THSD4: variants seen among roughly 807,000 people sequenced by gnomAD.
The protein encoded by THSD4 is thrombospondin type 1 domain containing 4.
A neutral mutation model predicts 119.0 loss-of-function variants in THSD4; 69 were observed. That is an observed-to-expected ratio of 0.58 (90% CI 0.48 to 0.71). The LOEUF (loss-of-function observed/expected upper bound fraction) is 0.71, where lower values mean the gene tolerates loss of function less well. Ranked by LOEUF, THSD4 falls within the 30% of genes least tolerant of loss-of-function variation. The probability of loss-of-function intolerance (pLI) is 0.00; values close to 1 mark genes in which losing one functional copy is unlikely to be tolerated. For synonymous variants in THSD4, 524 were observed against 540.4 expected, an observed-to-expected ratio of 0.97 and a Z score of 0.42; for missense variants, 1,393 against 1,391.1, an observed-to-expected ratio of 1.00 and a Z score of -0.02.
chr15:71,476,931 A>G (rs920984850), intron 7 of THSD4, among the ~76,000 whole-genome samples: 3 of 152,162 alleles, frequency 2.0e-5, no homozygotes, highest in East Asian at 1.9e-4. Flanking sequence ...ATCCTTTTCT[A>G]TAGGGTGAGC....
At chr15:71,512,991 G>A (rs2048304774) in intron 7 of THSD4, among the ~76,000 whole-genome samples, 1 of 152,206 alleles carries the variant, frequency 6.6e-6, no homozygotes, top group Non-Finnish European at 1.5e-5. Context: ...TTACGAATAA[G>A]GAAATCAACA....
intron 6 of THSD4, among the ~76,000 whole-genome samples, chr15:71,330,087 GAAAA>G (rs58866556): frequency 1.5e-5 from 2 of 130,886 alleles, no homozygotes; most frequent in South Asian, 2.5e-4. Flanking sequence ...GTCTCCAAAG[GAAAA>G]AAAAAAAAAA....
chr15:71,360,425 A>G (rs1053915820), intron 6 of THSD4, among the ~76,000 whole-genome samples: 4 of 152,172 alleles, frequency 2.6e-5, no homozygotes, highest in Non-Finnish European at 5.9e-5. Flanking sequence ...ATCTCTTCAT[A>G]TGAGAAGCAG....
intron 6 of THSD4, among the ~76,000 whole-genome samples, chr15:71,362,499 C>T (rs780779462): frequency 2.0e-5 from 3 of 152,038 alleles, no homozygotes; most frequent in Non-Finnish European, 2.9e-5. Flanking sequence ...ATTTTATAGT[C>T]AGTTGAGAGA....
Position 71,378,648 on chromosome 15 carries a change from T to C in THSD4, c.1016-33039T>C, listed in dbSNP as rs554225876. ...TGTTCCACTCCATTATGCTTTAGTT[T>C]TTTTAGTGGAATAAGCTTAAATATT... is the stretch of plus-strand genomic sequence containing the variant. On this transcript the variant is annotated intron_variant, in intron 6 of 17. Transcript: ENST00000261862. Among the ~76,000 whole-genome samples the C allele has an allele frequency of 2.0e-5, 3 of 152,376 alleles. No individual in the cohort carries two copies. The South Asian group carries it at 6.2e-4, about 32-fold the overall frequency.
intron 6 of THSD4, among the ~76,000 whole-genome samples, chr15:71,369,365 T>G (rs534520998): frequency 6.6e-6 from 1 of 152,342 alleles, no homozygotes; most frequent in East Asian, 1.9e-4. Flanking sequence ...GTGCCAGTTT[T>G]CAAAGGGAAA....
chr15:71,326,615 A>G (rs2045341313), intron 6 of THSD4, among the ~76,000 whole-genome samples: 1 of 133,938 alleles, frequency 7.5e-6, no homozygotes, highest in Non-Finnish European at 1.6e-5. Context: ...TGGAGGTTGC[A>G]GTGAGCCGAG....
intron 6 of THSD4, among the ~76,000 whole-genome samples, chr15:71,358,300 G>A (rs1298760872): frequency 6.6e-6 from 1 of 152,146 alleles, no homozygotes; most frequent in East Asian, 1.9e-4. Flanking sequence ...CTATGTCAGG[G>A]TTTCCCATAT....
At chr15:71,750,406 G>T (rs1007235784) in intron 14 of THSD4, among the ~76,000 whole-genome samples, 1 of 152,110 alleles carries the variant, frequency 6.6e-6, no homozygotes, top group African/African-American at 2.4e-5. Context: ...CTCCCTCTGC[G>T]GTGTAAGATG....
intron 7 of THSD4, among the ~76,000 whole-genome samples, chr15:71,583,199 G>A (rs2049592804): frequency 6.6e-6 from 1 of 151,928 alleles, no homozygotes; most frequent in African/African-American, 2.4e-5. Context: ...TCACCTTTTT[G>A]GCATATAATT....
chr15:71,262,955 T>G (rs140053820), intron 6 of THSD4, among the ~76,000 whole-genome samples: 59 of 152,144 alleles, frequency 3.9e-4, no homozygotes, highest in East Asian at 2.7e-3. Context: ...TTTTGTTTTT[T>G]TTTTTCTAAC....
At chr15:71,567,776 A>AGTGTGTGT (rs35003821) in intron 7 of THSD4, among the ~76,000 whole-genome samples, 4 of 150,532 alleles carry the variant, frequency 2.7e-5, no homozygotes, top group African/African-American at 9.8e-5. Context: ...AGAGAGAGAG[A>AGTGTGTGT]GTGTGTGTGT....
chr15:71,753,990 A>G (rs2053493709), intron 14 of THSD4, among the ~76,000 whole-genome samples: 1 of 152,146 alleles, frequency 6.6e-6, no homozygotes, highest in Non-Finnish European at 1.5e-5. Flanking sequence ...CAGAAAATTA[A>G]GTTAGCTAGT....
At chr15:71,690,342 A>G (rs2052020385) in intron 8 of THSD4, among the ~76,000 whole-genome samples, 1 of 152,242 alleles carries the variant, frequency 6.6e-6, no homozygotes, top group African/African-American at 2.4e-5. Context: ...ATGCAGCTGC[A>G]GCTGCCACTC....
At chr15:71,666,751 G>C (rs556357704) in intron 8 of THSD4, among the ~76,000 whole-genome samples, 1 of 152,182 alleles carries the variant, frequency 6.6e-6, no homozygotes, top group Admixed American at 6.5e-5. Flanking sequence ...AGAAAACGGA[G>C]GCATGTATTC....
intron 8 of THSD4, among the ~76,000 whole-genome samples, chr15:71,685,692 T>A (rs186021879): frequency 6.6e-6 from 1 of 152,290 alleles, no homozygotes; most frequent in East Asian, 1.9e-4. Flanking sequence ...AGTTTAGTGG[T>A]CTTTTCAGAT....
chr15:71,727,652 C>G (rs1371382540), intron 8 of THSD4, among the ~76,000 whole-genome samples: 1 of 145,276 alleles, frequency 6.9e-6, no homozygotes, highest in Admixed American at 6.8e-5. Context: ...TGCCTATAGT[C>G]CCAGCTACTC....
intron 7 of THSD4, among the ~76,000 whole-genome samples, chr15:71,554,782 T>C (rs1488647555): frequency 6.6e-6 from 1 of 152,104 alleles, no homozygotes; most frequent in Non-Finnish European, 1.5e-5. Context: ...TCCAGCTCTT[T>C]AGTGGAGTGA....
rs753930396 is a variant in THSD4 at position 71,504,938 on chromosome 15, G to C, written c.1152+93115G>C. Among the ~76,000 whole-genome samples, 42 of 152,264 alleles carry C rather than the reference G, an allele frequency of 2.8e-4. 1 individual carries two copies. Among genetic ancestry groups the C allele is most frequent in the Admixed American group, 2.5e-3 (39 of 15,298 alleles). On this transcript the variant is annotated intron_variant, in intron 7 of 17. Coordinates refer to ENST00000261862, the MANE Select transcript of THSD4 (RefSeq NM_024817.3). Reference sequence around the variant, plus strand: ...TTCCCTGTGTTTCATGCCCTTGACAGTTTTGAAGAGCATGGTCAGGTGTGT... The same window carrying C: ...TTCCCTGTGTTTCATGCCCTTGACACTTTTGAAGAGCATGGTCAGGTGTGT...
Sources: gnomAD v4.1 joint callset for allele counts (sites outside exome capture counted in the v4.1 genomes callset) on GRCh38, gnomAD v4.1.1 for gene constraint, MANE v1.5 for transcripts, NCBI Gene and HGNC (gene_info 2026-07-23, HGNC 2026-07-21) for gene names.